The following KSR2 variants were observed in gnomAD, a reference collection of about 807,000 sequenced individuals.
KSR2 encodes the protein kinase suppressor of ras 2.
In KSR2, 25 loss-of-function variants were observed where a neutral mutation model predicts 107.8. That is an observed-to-expected ratio of 0.23 (90% CI 0.17 to 0.32). The LOEUF (loss-of-function observed/expected upper bound fraction) is 0.32, where lower values mean the gene tolerates loss of function less well. Ranked by LOEUF, KSR2 falls within the 10% of genes least tolerant of loss-of-function variation. KSR2 has a pLI of 1.00. For synonymous variants in KSR2, 480 were observed against 507.0 expected (o/e 0.95, Z 0.71); for missense variants, 887 against 1,268.9 (o/e 0.70, Z 4.57).
intron 5 of KSR2, among the ~76,000 whole-genome samples, chr12:117,601,314 T>G: frequency 6.7e-6 from 1 of 150,048 alleles, no homozygotes; most frequent in African/African-American, 2.5e-5. Flanking sequence ...GGGTACCTAA[T>G]TACTAGATTA....
At chr12:117,706,189 G>A (rs996788655) in intron 4 of KSR2, among the ~76,000 whole-genome samples, 1 of 151,560 alleles carries the variant, frequency 6.6e-6, no homozygotes, top group South Asian at 2.1e-4. Flanking sequence ...GATTACAGGT[G>A]CATGCCACCA....
chr12:117,519,275 C>T (rs1016757744), intron 14 of KSR2, among the ~76,000 whole-genome samples: 5 of 152,190 alleles, frequency 3.3e-5, no homozygotes, highest in East Asian at 1.9e-4. Flanking sequence ...AAGGTGTGCC[C>T]GAAGCTCTTG....
rs560656101 is a variant in KSR2 at position 117,842,716 on chromosome 12, T to C, written c.472+12712A>G. On this transcript the variant is annotated intron_variant, in intron 3 of 19. Transcript: ENST00000339824. This position sits in a 1 kb window ranked among gnomAD's most constrained non-coding sequence, Gnocchi z 4.2. ...GAGAGTCGGGTTCTCTTTGTTCTCATTGGGGGGGTTCCACAAAAGCCAGAT... is the reference window on the plus strand; with the variant it reads ...GAGAGTCGGGTTCTCTTTGTTCTCACTGGGGGGGTTCCACAAAAGCCAGAT... 7.9e-5 allele frequency among the ~76,000 whole-genome samples: 12 copies of C among 152,176 alleles called. No individual in the cohort carries two copies. Among genetic ancestry groups the C allele is most frequent in the South Asian group, 4.2e-4 (2 of 4,808 alleles).
At position 117,730,938 on chromosome 12, in the gene KSR2, G is replaced by T. The variant is rs1241401448; in HGVS notation, c.986+30073C>A. Reference sequence around the variant, plus strand: ...CTCTGCCCGGCCGCCACCCCGTCTAGGAAGTGAGGAGCGTCTCTGCCTGGA... The same window carrying T: ...CTCTGCCCGGCCGCCACCCCGTCTATGAAGTGAGGAGCGTCTCTGCCTGGA... On this transcript the variant is annotated intron_variant, in intron 4 of 19. Transcript: ENST00000339824. 2.6e-5 allele frequency among the ~76,000 whole-genome samples: 4 copies of T among 152,020 alleles called. No individual in the cohort carries two copies. In the East Asian group the frequency reaches 7.7e-4, roughly 29 times the overall value.
chr12:117,515,500 C>G (rs1426212790), intron 14 of KSR2, among the ~76,000 whole-genome samples: 3 of 151,874 alleles, frequency 2.0e-5, no homozygotes, highest in Admixed American at 6.6e-5. Flanking sequence ...AGAGGTGAGT[C>G]AAATAGCTGA....
chr12:117,573,660 T>G (rs816201), intron 7 of KSR2, among the ~76,000 whole-genome samples: 85,705 of 151,396 alleles, frequency 0.57, 26,982 homozygotes, highest in Middle Eastern at 0.72. Context: ...CCTGAGTAGC[T>G]GGGATTACAG....
intron 3 of KSR2, among the ~76,000 whole-genome samples, chr12:117,826,647 G>A (rs967459281): frequency 6.6e-6 from 1 of 152,024 alleles, no homozygotes; most frequent in Non-Finnish European, 1.5e-5. Context: ...AGCACTGCCT[G>A]ACATTAGCAG....
chr12:117,735,402 G>C (rs1887901094), intron 4 of KSR2, among the ~76,000 whole-genome samples: 1 of 152,140 alleles, frequency 6.6e-6, no homozygotes, highest in Admixed American at 6.5e-5. Flanking sequence ...GGGAGGAGAA[G>C]CAAGAACTCA....
At chr12:117,903,082 C>T (rs949531301) in intron 1 of KSR2, among the ~76,000 whole-genome samples, 5 of 152,130 alleles carry the variant, frequency 3.3e-5, no homozygotes, top group African/African-American at 7.2e-5. Context: ...TTAATGTAGG[C>T]GAGAGTTTGA....
chr12:117,709,426 T>A (rs1192723163), intron 4 of KSR2, among the ~76,000 whole-genome samples: 4 of 152,188 alleles, frequency 2.6e-5, no homozygotes, highest in Non-Finnish European at 5.9e-5. Context: ...CGGGCTCAAG[T>A]GATCCTCCCA....
At chr12:117,735,047 C>G (rs1178749885) in intron 4 of KSR2, among the ~76,000 whole-genome samples, 1 of 152,112 alleles carries the variant, frequency 6.6e-6, no homozygotes, top group East Asian at 1.9e-4. Context: ...TTGTTCCTGC[C>G]TTCCTCAGTG....
intron 14 of KSR2, among the ~76,000 whole-genome samples, chr12:117,487,795 C>A (rs1313982207): frequency 6.6e-6 from 1 of 152,198 alleles, no homozygotes; most frequent in Non-Finnish European, 1.5e-5. Context: ...CTTACAACCT[C>A]TTTCCCTTCA....
intron 2 of KSR2, among the ~76,000 whole-genome samples, chr12:117,857,925 A>G (rs1893153568): frequency 6.6e-6 from 1 of 152,048 alleles, no homozygotes. Context: ...TCTCCCGCCC[A>G]CTCCCTGGGT....
At chr12:117,572,816 TA>T (rs749145188) in intron 7 of KSR2, among the ~76,000 whole-genome samples, 28 of 152,042 alleles carry the variant, frequency 1.8e-4, no homozygotes, top group Middle Eastern at 3.4e-3. Flanking sequence ...GAAATGCAGA[TA>T]GGGGTAGAGA....
chr12:117,938,993 CAAA>C (rs746717734), intron 1 of KSR2, among the ~76,000 whole-genome samples: 6 of 125,976 alleles, frequency 4.8e-5, no homozygotes, highest in Admixed American at 8.1e-5. Context: ...CATCTGGGGT[CAAA>C]AAAAAAAAAA....
At chr12:117,727,244 G>A (rs1353632202) in intron 4 of KSR2, among the ~76,000 whole-genome samples, 1 of 151,872 alleles carries the variant, frequency 6.6e-6, no homozygotes, top group South Asian at 2.1e-4. Context: ...GCATGATGGC[G>A]GGCACCTGTA....
intron 1 of KSR2, among the ~76,000 whole-genome samples, chr12:117,920,939 C>T (rs1373575804): frequency 1.2e-4 from 18 of 152,296 alleles, no homozygotes; most frequent in Non-Finnish European, 4.4e-5. Context: ...AGAAACACAA[C>T]CCTCCTCACT....
rs531686339 is a variant in KSR2, at chr12:117,786,970, C to T, written c.473-25446G>A. On this transcript the variant is annotated intron_variant, in intron 3 of 19. Coordinates refer to ENST00000339824, the MANE Select transcript of KSR2 (RefSeq NM_173598.6). ...CTTGAACCCAGGAGGTGGAGGTTGC[C>T]GTGAGCCAAGATCACGCCACTGCAC... 3.3e-5 allele frequency among the ~76,000 whole-genome samples: 5 copies of T among 150,732 alleles called. No individual in the cohort carries two copies. In the South Asian group the frequency reaches 6.3e-4, roughly 19 times the overall value.
chr12:117,905,913 A>G (rs950708177), intron 1 of KSR2, among the ~76,000 whole-genome samples: 1 of 152,126 alleles, frequency 6.6e-6, no homozygotes. Flanking sequence ...GTACATAATA[A>G]TTAACAAAAA....
Sources: allele counts gnomAD v4.1 joint callset (sites outside exome capture counted in the v4.1 genomes callset), GRCh38; gene constraint gnomAD v4.1.1; non-coding constraint Gnocchi (gnomAD v3.1); transcripts MANE v1.5; gene names NCBI Gene and HGNC (gene_info 2026-07-23, HGNC 2026-07-21).